WDR35: variants seen among roughly 807,000 people sequenced by gnomAD.
WDR35 encodes the protein WD repeat domain 35, also known as WD repeat-containing protein 35.
WDR35 carries 118 observed loss-of-function variants against 158.3 expected under a neutral mutation model. The ratio of observed to expected loss-of-function variants is 0.75; its 90% CI spans 0.64 to 0.87. The LOEUF is 0.87. Among genes scored for constraint, WDR35 ranks in the 40% least tolerant of loss-of-function variants. WDR35 has a pLI of 0.00. For synonymous variants in WDR35, 448 were observed against 476.1 expected (o/e 0.94, Z 0.77); for missense variants, 1,263 against 1,405.8 (o/e 0.90, Z 1.62).
Position 19,946,470 on chromosome 2 carries a change from C to T in WDR35, c.1625G>A (p.Cys542Tyr), listed in dbSNP as rs1671056619. 2 of 1,613,260 alleles carry T rather than the reference C, an allele frequency of 1.2e-6. No individual in the cohort carries two copies. Among genetic ancestry groups the T allele is most frequent in the African/African-American group, 2.7e-5 (2 of 74,992 alleles). ...GAGTTTTCAGGCTTACCTAGAGTTG[C>T]AATTCAAGGATAACTGGTAGGCTCG... ...NCRAYQLSLN[C>Y]NSSRLAIIDI... The change falls in exon 15 of 27, where the codon TGC becomes TAC. Residue 542 changes from cysteine (C) to tyrosine (Y), a missense_variant. Physicochemically the swap from Cys to Tyr is radical, Grantham distance 194. Coordinates refer to ENST00000281405, the MANE Select transcript of WDR35 (RefSeq NM_020779.4).
At chr2:19,979,073 T>C (rs1672304715) in intron 4 of WDR35, among the ~76,000 whole-genome samples, 194 bp from the exon 5 acceptor site, 1 of 152,226 alleles carries the variant, frequency 6.6e-6, no homozygotes, top group Non-Finnish European at 1.5e-5. Context: ...GCTTAACTGA[T>C]AACTGCTTCA....
chr2:19,921,276 C>T (rs1670158637), intron 25 of WDR35, among the ~76,000 whole-genome samples: 1 of 152,166 alleles, frequency 6.6e-6, no homozygotes, highest in African/African-American at 2.4e-5. Flanking sequence ...CCAACACAAT[C>T]CTAAGCAAAA....
rs191544795 is a variant in WDR35, at chr2:19,947,425, T to C, written c.1524+739A>G. 3.3e-5 allele frequency among the ~76,000 whole-genome samples: 5 copies of C among 152,322 alleles called. No homozygotes were observed. The East Asian group carries it at 5.8e-4, about 18-fold the overall frequency. On this transcript the variant is annotated intron_variant, in intron 14 of 26. Transcript: ENST00000281405. ...GGAATGTAACTAGAACTAGAATATA[T>C]ACTATTAAGGTTTTGTTTACATAAT...
chr2:19,981,054 A>G (rs1158728298), intron 3 of WDR35, among the ~76,000 whole-genome samples: 1 of 152,214 alleles, frequency 6.6e-6, no homozygotes, highest in East Asian at 1.9e-4. Context: ...CATATACCTG[A>G]TGACAGAAAC....
rs1489819986 is a variant in WDR35 at position 19,930,448 on chromosome 2, T to C, written c.3069A>G (p.Ile1023Met). 5.0e-6 allele frequency: 8 copies of C among 1,614,036 alleles called. No individual in the cohort carries two copies. The highest frequency in any genetic ancestry group is 1.1e-5 in the South Asian group (1 of 91,090). The change falls in exon 25 of 27, where the codon ATA becomes ATG. Residue 1023 changes from isoleucine to methionine, a missense_variant. Ile to Met is a conservative substitution (Grantham distance 10, BLOSUM62 1). Coordinates refer to ENST00000281405, the MANE Select transcript of WDR35 (RefSeq NM_020779.4). ...CCTCATAGAGCTGCCTCTGTGCAAG[T>C]ATAAAGAAGTGGTAAGCCTCTGCCC... ...WRGAEAYHFF[I>M]LAQRQLYEGC...
In WDR35 at chr2:19,932,373, A is replaced by C; in HGVS notation, c.2733T>G (p.Ser911=). 6.2e-7 allele frequency: 1 copy of C among 1,613,372 alleles called. No individual in the cohort carries two copies. The highest frequency in any genetic ancestry group is 1.1e-5 in the South Asian group (1 of 91,068). The change falls in exon 23 of 27, where the codon TCT becomes TCG. Residue 911 remains serine (S), a synonymous_variant. Coordinates refer to ENST00000281405, the MANE Select transcript of WDR35 (RefSeq NM_020779.4). ...EIGSLLARYA[S]HLLEKNKTLD... Reference sequence around the variant, plus strand: ...GAGTTTTATTCTTTTCCAGTAAATGAGATGCATACCTAGCTAACAGAGATC... The same window carrying C: ...GAGTTTTATTCTTTTCCAGTAAATGCGATGCATACCTAGCTAACAGAGATC...
At chr2:19,989,445 C>A (rs1474397440) in intron 1 of WDR35, among the ~76,000 whole-genome samples, 163 bp from the exon 2 acceptor site, 1 of 152,138 alleles carries the variant, frequency 6.6e-6, no homozygotes, top group Admixed American at 6.5e-5. Flanking sequence ...CCTGAACTGA[C>A]CCGGGCTCTA....
intron 11 of WDR35, among the ~76,000 whole-genome samples, chr2:19,956,946 T>C (rs1384444217): frequency 2.6e-5 from 4 of 152,202 alleles, no homozygotes; most frequent in African/African-American, 7.2e-5. Flanking sequence ...ACAGTATTTA[T>C]TGAATGTTTA....
intron 13 of WDR35, 76 bp from the exon 14 acceptor site, chr2:19,948,293 A>G: frequency 7.6e-7 from 1 of 1,319,928 alleles, no homozygotes; most frequent in Non-Finnish European, 1.1e-6. Context: ...GTAGTATGCA[A>G]TTCACTAAGC....
intron 11 of WDR35, among the ~76,000 whole-genome samples, chr2:19,956,160 C>T (rs569217898): frequency 6.6e-6 from 1 of 152,316 alleles, no homozygotes; most frequent in East Asian, 1.9e-4. Context: ...ACCATGGATA[C>T]TCTAATGCTG....
chr2:19,928,828 A>G (rs1670440258), intron 25 of WDR35, among the ~76,000 whole-genome samples: 1 of 149,918 alleles, frequency 6.7e-6, no homozygotes, highest in East Asian at 2.0e-4. Flanking sequence ...TTTTTTTGAG[A>G]CGGAGTCTCG....
chr2:19,926,978 G>A (rs930854411), intron 25 of WDR35, among the ~76,000 whole-genome samples: 1 of 152,172 alleles, frequency 6.6e-6, no homozygotes, highest in South Asian at 2.1e-4. Context: ...AACACCCGTT[G>A]AACACAGTCA....
chr2:19,954,585 A>G (rs973245518), intron 11 of WDR35, among the ~76,000 whole-genome samples: 7 of 152,222 alleles, frequency 4.6e-5, no homozygotes, highest in African/African-American at 1.4e-4. Flanking sequence ...CAACAACATT[A>G]GCCATCAGGA....
chr2:19,949,121 C>G (rs1671153448), intron 13 of WDR35, among the ~76,000 whole-genome samples: 1 of 152,104 alleles, frequency 6.6e-6, no homozygotes, highest in African/African-American at 2.4e-5. Context: ...CTGAAGAAAG[C>G]TGAGTGAAGG....
intron 8 of WDR35, 61 bp from the exon 9 acceptor site, chr2:19,969,666 C>T: frequency 6.5e-7 from 1 of 1,547,828 alleles, no homozygotes; most frequent in Non-Finnish European, 8.9e-7. Context: ...CAAATTACCA[C>T]CAATCACTTC....
intron 25 of WDR35, among the ~76,000 whole-genome samples, chr2:19,926,041 A>T (rs1432375985): frequency 6.6e-6 from 1 of 152,246 alleles, no homozygotes; most frequent in Non-Finnish European, 1.5e-5. Flanking sequence ...ATGGGCACAT[A>T]GCTCCAACAT....
Position 19,938,293 on chromosome 2 carries a change from T to C in WDR35, c.2035A>G (p.Ile679Val), listed in dbSNP as rs1670763128. 12 of 1,613,954 alleles carry C rather than the reference T, an allele frequency of 7.4e-6. No homozygotes were observed. The East Asian group carries it at 1.8e-4, about 24-fold the overall frequency. The change falls in exon 18 of 27, where the codon ATA (isoleucine) becomes GTA (valine). Residue 679 changes from isoleucine (I) to valine (V), a missense_variant. Ile to Val is a conservative substitution (Grantham distance 29, BLOSUM62 3). Coordinates refer to ENST00000281405, the MANE Select transcript of WDR35 (RefSeq NM_020779.4). ...KVGIKDASQFIEDNPHPRLWR... is the reference protein window; with the variant it reads ...KVGIKDASQFVEDNPHPRLWR... ...AGTCGGGGGTGTGGATTGTCCTCTA[T>C]GAACTGAGATGCATCTTTAATTCCA...
intron 17 of WDR35, among the ~76,000 whole-genome samples, chr2:19,941,504 A>G (rs1156792809): frequency 6.6e-6 from 1 of 152,192 alleles, no homozygotes; most frequent in Admixed American, 6.5e-5. Flanking sequence ...CAATCCTATA[A>G]GTAGTATTAT....
At chr2:19,929,903 A>T (rs1047535888) in intron 25 of WDR35, among the ~76,000 whole-genome samples, 6 of 152,096 alleles carry the variant, frequency 3.9e-5, no homozygotes, top group Admixed American at 1.3e-4. Flanking sequence ...ATAAAACACA[A>T]GATAAATGCT....
Sources: allele counts gnomAD v4.1 joint callset (sites outside exome capture counted in the v4.1 genomes callset), GRCh38; gene constraint gnomAD v4.1.1; transcripts MANE v1.5; gene names NCBI Gene and HGNC (gene_info 2026-07-23, HGNC 2026-07-21).